CHST3: variants seen among roughly 807,000 people sequenced by gnomAD.
The protein encoded by CHST3 is carbohydrate sulfotransferase 3.
A neutral mutation model predicts 35.4 loss-of-function variants in CHST3; 20 were observed. The ratio of observed to expected loss-of-function variants is 0.57; its 90% CI spans 0.40 to 0.82. The LOEUF (loss-of-function observed/expected upper bound fraction) is 0.82, where lower values mean the gene tolerates loss of function less well. Among genes scored for constraint, CHST3 ranks in the 40% least tolerant of loss-of-function variants. CHST3 has a pLI of 0.00. For synonymous variants in CHST3, 334 were observed against 295.9 expected, an observed-to-expected ratio of 1.13 and a Z score of -1.32; for missense variants, 693 against 670.1, an observed-to-expected ratio of 1.03 and a Z score of -0.38.
intron 1 of CHST3, among the ~76,000 whole-genome samples, chr10:71,981,887 A>G (rs556245279): frequency 6.6e-6 from 1 of 152,366 alleles, no homozygotes; most frequent in Non-Finnish European, 1.5e-5. Flanking sequence ...CAGAATCTTC[A>G]GGGGTGAACC....
intron 1 of CHST3, among the ~76,000 whole-genome samples, chr10:71,998,464 G>A (rs1009746566): frequency 2.0e-5 from 3 of 152,264 alleles, no homozygotes; most frequent in Admixed American, 2.0e-4. Context: ...GGCAGGTGCA[G>A]TGAAGCCGGG....
At chr10:71,969,573 C>A (rs1341593355) in intron 1 of CHST3, among the ~76,000 whole-genome samples, 1 of 152,216 alleles carries the variant, frequency 6.6e-6, no homozygotes, top group East Asian at 1.9e-4. Context: ...CACAGGAAGC[C>A]CACCTGGGTG....
At chr10:71,974,426 C>T (rs193224000) in intron 1 of CHST3, among the ~76,000 whole-genome samples, 27 of 152,286 alleles carry the variant, frequency 1.8e-4, no homozygotes, top group Admixed American at 1.3e-3. Flanking sequence ...GGTCTGCTGT[C>T]GCTTGAGTCT....
chr10:71,982,919 A>G (rs1396378245), intron 1 of CHST3, among the ~76,000 whole-genome samples: 1 of 152,232 alleles, frequency 6.6e-6, no homozygotes, highest in African/African-American at 2.4e-5. Flanking sequence ...CCGAGCTGGA[A>G]GAACCAGGTT....
rs868684674 is a variant in CHST3, at chr10:72,008,424, C to T, written c.1393C>T (p.Arg465Cys). Reference protein sequence around the residue: ...LARDAAALTNRSVSLLEERGT... With the variant: ...LARDAAALTNCSVSLLEERGT... ...GCGGGACGCCGCCGCCCTCACCAAC[C>T]GCTCAGTCAGCCTGCTGGAGGAGAG... Residue 465 changes from arginine to cysteine, a missense_variant, in exon 3 of 3, where the codon CGC (arginine) becomes TGC (cysteine). Transcript: ENST00000373115. The T allele has an allele frequency of 1.9e-6, 3 of 1,572,878 alleles. No individual in the cohort carries two copies. Among genetic ancestry groups the T allele is most frequent in the Non-Finnish European group, 1.7e-6 (2 of 1,159,784 alleles).
At chr10:71,985,288 C>T (rs1300400274) in intron 1 of CHST3, among the ~76,000 whole-genome samples, 1 of 152,224 alleles carries the variant, frequency 6.6e-6, no homozygotes, top group Non-Finnish European at 1.5e-5. Flanking sequence ...TGCCTGCAGC[C>T]GCTAGTCCCA....
chr10:71,977,551 G>T (rs1466973968), intron 1 of CHST3, among the ~76,000 whole-genome samples: 1 of 151,170 alleles, frequency 6.6e-6, no homozygotes, highest in African/African-American at 2.4e-5. Flanking sequence ...CCAACCTCAA[G>T]TGATCCTCCC....
At position 72,007,240 on chromosome 10, in the gene CHST3, T is replaced by A. The variant is rs1840047855; in HGVS notation, c.209T>A (p.Ile70Asn). ...GCCAACAGCACCGACCCAGCCCTGA[T>A]CTTAGCTGAGAACGCATCTCTCTTG... ...ADANSTDPAL[I>N]LAENASLLSL... Residue 70 changes from isoleucine to asparagine, a missense_variant, in exon 3 of 3, where the codon ATC (isoleucine) becomes AAC (asparagine). Coordinates refer to ENST00000373115, the MANE Select transcript of CHST3 (RefSeq NM_004273.5). The A allele has an allele frequency of 6.2e-7, 1 of 1,614,086 alleles. No homozygotes were observed. Among genetic ancestry groups the A allele is most frequent in the Admixed American group, 1.7e-5 (1 of 60,008 alleles).
chr10:71,985,143 G>A (rs1040333058), intron 1 of CHST3, among the ~76,000 whole-genome samples: 2 of 152,244 alleles, frequency 1.3e-5, no homozygotes, highest in African/African-American at 2.4e-5. Context: ...CGCAGCTGGC[G>A]TGGTTGCCCC....
chr10:71,992,866 T>G (rs1174745137), intron 1 of CHST3, among the ~76,000 whole-genome samples: 2 of 151,984 alleles, frequency 1.3e-5, no homozygotes, highest in Non-Finnish European at 2.9e-5. Flanking sequence ...TTCACCATGT[T>G]GGCCAGGCTG....
chr10:71,992,570 G>A (rs892325745), intron 1 of CHST3, among the ~76,000 whole-genome samples: 2 of 151,588 alleles, frequency 1.3e-5, no homozygotes, highest in African/African-American at 4.8e-5. Flanking sequence ...ATGCAATGCT[G>A]TTTGATTCAC....
chr10:72,005,944 T>G lies in CHST3; in HGVS notation c.102T>G (p.Val34=), dbSNP rs1456813162. 2.5e-6 allele frequency: 4 copies of G among 1,614,238 alleles called. No homozygotes were observed. Among genetic ancestry groups the G allele is most frequent in the Non-Finnish European group, 3.4e-6 (4 of 1,180,044 alleles). ...TTTTCTTGGTTTTTGTGGTGATAGT[T>G]TTTGTCTTCATCGAAAAGGAAAATA... The part of the protein sequence containing the change: ...YALFLVFVVI[V]FVFIEKENKI... The change falls in exon 2 of 3, where the codon GTT becomes GTG. Residue 34 remains valine, a synonymous_variant. Transcript: ENST00000373115.
At chr10:72,006,591 TTTACCCCTTTGAATTG>T (rs1840040644) in intron 2 of CHST3, among the ~76,000 whole-genome samples, 1 of 152,200 alleles carries the variant, frequency 6.6e-6, no homozygotes, top group Non-Finnish European at 1.5e-5. Flanking sequence ...GGAACGCCCC[TTTACCCCTTTGAATTG>T]GCAGCATACA....
Position 72,008,093 on chromosome 10 carries a change from G to GGGGCTGCGGCAGCCCGCC in CHST3, c.1063_1080dup (p.Gly355_Ala360dup). ...AGAGCATCCGCCTGTCCGCGGAGCT[G>GGGGCTGCGGCAGCCCGCC]GGGCTGCGGCAGCCCGCCTGGCTGC... On this transcript the variant is annotated inframe_insertion, in exon 3 of 3. Coordinates refer to ENST00000373115, the MANE Select transcript of CHST3 (RefSeq NM_004273.5). 1 of 1,545,376 alleles carries GGGGCTGCGGCAGCCCGCC rather than the reference G, an allele frequency of 6.5e-7. No individual in the cohort carries two copies. The highest frequency in any genetic ancestry group is 8.7e-7 in the Non-Finnish European group (1 of 1,143,972).
Position 72,007,954 on chromosome 10 carries a change from CCTCGCGCATGG to C in CHST3, c.924_934del (p.Ser309GlyfsTer7). ...GTGCGCGACCCCCGGGCCGTGCTGG[CCTCGCGCATGG>C]TGGCCTTCGCCGGCAAGTATAAGAC... On this transcript the variant is annotated frameshift_variant, in exon 3 of 3. Transcript: ENST00000373115. LOFTEE classifies it high-confidence loss of function. The C allele has an allele frequency of 6.5e-7, 1 of 1,549,618 alleles. No individual in the cohort carries two copies. Among genetic ancestry groups the C allele is most frequent in the Non-Finnish European group, 8.7e-7 (1 of 1,146,632 alleles).
At chr10:71,978,007 C>T (rs763917342) in intron 1 of CHST3, among the ~76,000 whole-genome samples, 4 of 152,212 alleles carry the variant, frequency 2.6e-5, no homozygotes, top group Non-Finnish European at 5.9e-5. Flanking sequence ...TTGAACCTGC[C>T]TCTGTGCTTC....
Position 72,005,781 on chromosome 10 carries a change from G to A in CHST3, c.-62G>A, listed in dbSNP as rs1210258059. The A allele has an allele frequency of 2.5e-6, 4 of 1,611,126 alleles. No homozygotes were observed. The highest frequency in any genetic ancestry group is 3.4e-6 in the Non-Finnish European group (4 of 1,178,052). On this transcript the variant is annotated 5_prime_UTR_variant, in exon 2 of 3. Transcript: ENST00000373115. ...GAAGACGGCAAGCTGGGTCCTGAGT[G>A]ATGCCCCTCAGCTGAGTGTCCAAGG...
chr10:72,002,561 A>T (rs1840003912), intron 1 of CHST3, among the ~76,000 whole-genome samples: 1 of 152,232 alleles, frequency 6.6e-6, no homozygotes, highest in African/African-American at 2.4e-5. Context: ...TGTCACTTAT[A>T]CAAGGTTGCA....
rs772369812 is a variant in CHST3, at chr10:72,013,317, C to T, written c.*4846C>T. 5 of 152,244 alleles carry T rather than the reference C, an allele frequency of 3.3e-5. No individual in the cohort carries two copies. The highest frequency in any genetic ancestry group is 7.3e-5 in the Non-Finnish European group (5 of 68,056). 9.4% of individuals were successfully genotyped at this position (152,244 alleles called of 1,614,324 possible). ...GTGTGTGTATGTGTAGCATGTAGCTCATTCTGCTCAGCCTCTGGCGCCGTT... is the reference window on the plus strand; with the variant it reads ...GTGTGTGTATGTGTAGCATGTAGCTTATTCTGCTCAGCCTCTGGCGCCGTT... On this transcript the variant is annotated 3_prime_UTR_variant, in exon 3 of 3. Transcript: ENST00000373115.
Sources: gnomAD v4.1 joint callset for allele counts (sites outside exome capture counted in the v4.1 genomes callset) on GRCh38, gnomAD v4.1.1 for gene constraint, MANE v1.5 for transcripts, NCBI Gene and HGNC (gene_info 2026-07-23, HGNC 2026-07-21) for gene names.